Variants in MNT observed in about 807,000 individuals in gnomAD.
MNT encodes the protein MAX network transcriptional repressor, also known as max-binding protein MNT.
Under a neutral mutation model 40.7 loss-of-function variants are expected in MNT, and 13 were observed. The observed-to-expected ratio is 0.32, with a 90% CI of 0.21 to 0.51. The LOEUF (loss-of-function observed/expected upper bound fraction) is 0.51. Among genes scored for constraint, MNT ranks in the 20% least tolerant of loss-of-function variants. The pLI is 0.98. For missense variants in MNT, 757 were observed against 792.0 expected (o/e 0.96, Z 0.53); for synonymous variants, 426 against 354.8 (o/e 1.20, Z -2.26).
intron 4 of MNT, chr17:2,391,862 C>T (rs914054375): frequency 3.3e-5 from 5 of 152,224 alleles, no homozygotes; most frequent in African/African-American, 1.2e-4. Flanking sequence ...TCCTCGAACT[C>T]CCTGGGCTCA....
chr17:2,388,004 G>T lies in MNT; in HGVS notation c.853C>A (p.Leu285Met). ...EKEYEHEMER[L>M]AREKIATQQR... ...TGCGTGGCAATCTTCTCACGTGCCAGCCGCTCCATTTCATGCTCATATTCC... is the reference window on the plus strand; with the variant it reads ...TGCGTGGCAATCTTCTCACGTGCCATCCGCTCCATTTCATGCTCATATTCC... The change falls in exon 5 of 6, where the codon CTG becomes ATG. Residue 285 changes from leucine to methionine, a missense_variant. Leu to Met is a conservative substitution (Grantham distance 15). Around this residue, in one of 4 missense-constraint regions of MNT, gnomAD observed 73 missense variants for 100.8 expected, o/e 0.72. Coordinates refer to ENST00000174618, the MANE Select transcript of MNT (RefSeq NM_020310.3). The T allele has an allele frequency of 5.7e-6, 9 of 1,572,168 alleles. No individual in the cohort carries two copies. Among genetic ancestry groups the T allele is most frequent in the Non-Finnish European group, 7.8e-6 (9 of 1,156,974 alleles).
chr17:2,384,597 C>CGTGTGTGTGT lies in MNT; in HGVS notation c.*2294_*2303dup, dbSNP rs138247244. 0.013 allele frequency: 1,872 copies of CGTGTGTGTGT among 145,786 alleles called. 20 individuals carry two copies. The highest frequency in any genetic ancestry group is 0.034 in the South Asian group (150 of 4,464). 9.0% of individuals were successfully genotyped at this position (145,786 alleles called of 1,614,324 possible). A position where few individuals can be genotyped will look rare whatever the true frequency, so the allele number is the denominator to read the frequency against. ...GAGGTAAGATGTGTGCGTGTGCGTG[C>CGTGTGTGTGT]GTGTGTGTGTGTGTGTGTGTGTGTG... is the stretch of plus-strand genomic sequence containing the variant. On this transcript the variant is annotated 3_prime_UTR_variant, in exon 6 of 6. Transcript: ENST00000174618.
chr17:2,394,819 G>A (rs972652183), intron 2 of MNT, 56 bp downstream of exon 2: 7 of 1,334,362 alleles, frequency 5.2e-6, no homozygotes, highest in Non-Finnish European at 7.3e-6. Context: ...ACACAGCCCG[G>A]GGGATGGGCA....
At chr17:2,393,985 A>G (rs562976796) in intron 4 of MNT, 58 bp downstream of exon 4, 11 of 1,209,884 alleles carry the variant, frequency 9.1e-6, no homozygotes. Flanking sequence ...CGGCCGGGGG[A>G]GGGGCGGCGG....
chr17:2,400,552 C>A (rs1201697905), intron 1 of MNT, 88 bp downstream of exon 1: 2 of 1,320,228 alleles, frequency 1.5e-6, no homozygotes, highest in Non-Finnish European at 2.0e-6. Context: ...CGGGAGGGGG[C>A]CCTGTCCGCG....
chr17:2,393,146 C>G (rs1362568089), intron 4 of MNT, among the ~76,000 whole-genome samples: 1 of 150,758 alleles, frequency 6.6e-6, no homozygotes, highest in Non-Finnish European at 1.5e-5. Context: ...CCCACCCCCC[C>G]CCCAACGCGG....
rs2066480322 is a variant in MNT at position 2,387,841 on chromosome 17, G to T, written c.1000+16C>A. On this transcript the variant is annotated intron_variant, in intron 5 of 5. Coordinates refer to ENST00000174618, the MANE Select transcript of MNT (RefSeq NM_020310.3). ...CATCTGAGGGCTGGGGGGCCAGCGT[G>T]GGGGCTGGGGCTCACCAGAGGCGGT... 1 of 1,584,056 alleles carries T rather than the reference G, an allele frequency of 6.3e-7. No homozygotes were observed. The highest frequency in any genetic ancestry group is 8.5e-7 in the Non-Finnish European group (1 of 1,169,680).
At chr17:2,393,146 C>A (rs1362568089) in intron 4 of MNT, among the ~76,000 whole-genome samples, 2 of 150,758 alleles carry the variant, frequency 1.3e-5, no homozygotes, top group African/African-American at 2.4e-5. Flanking sequence ...CCCACCCCCC[C>A]CCCAACGCGG....
intron 4 of MNT, chr17:2,393,831 G>C (rs930375082): frequency 3.5e-5 from 9 of 257,766 alleles, no homozygotes; most frequent in Non-Finnish European, 5.1e-5. Context: ...CGGCGCGGGA[G>C]GGGAGCCGCG....
At chr17:2,392,868 C>G (rs1164693640) in intron 4 of MNT, 1 of 152,054 alleles carries the variant, frequency 6.6e-6, no homozygotes, top group African/African-American at 2.4e-5. Flanking sequence ...GCCGGGAGGG[C>G]GGGCGGAAGG....
At chr17:2,389,807 GA>G in intron 4 of MNT, 1 of 152,492 alleles carries the variant, frequency 6.6e-6, no homozygotes, top group Non-Finnish European at 1.5e-5. Context: ...TGGCACTGAG[GA>G]AAAATGGGGC....
chr17:2,393,898 G>A, intron 4 of MNT, 145 bp downstream of exon 4: 1 of 432,178 alleles, frequency 2.3e-6, no homozygotes, highest in Non-Finnish European at 3.9e-6. Context: ...CGTCAGCCGG[G>A]CCATGTGCTC....
intron 1 of MNT, 77 bp from the exon 2 acceptor site, chr17:2,395,531 T>G (rs2066571147): frequency 6.3e-7 from 1 of 1,588,746 alleles, no homozygotes; most frequent in African/African-American, 1.3e-5. Flanking sequence ...CCTCTGACCC[T>G]AGCCCAGTCA....
At chr17:2,392,995 C>T (rs567034168) in intron 4 of MNT, among the ~76,000 whole-genome samples, 1 of 152,102 alleles carries the variant, frequency 6.6e-6, no homozygotes, top group African/African-American at 2.4e-5. Flanking sequence ...ACCCCGCGGT[C>T]GAGGCCGGGG....
intron 4 of MNT, 168 bp downstream of exon 4, chr17:2,393,875 G>A (rs1258726027): frequency 4.0e-5 from 14 of 352,168 alleles, no homozygotes; most frequent in Non-Finnish European, 6.4e-5. Flanking sequence ...TCCCGGGCAG[G>A]GAGCCCCGCT....
chr17:2,399,908 G>T (rs1357147852), intron 1 of MNT, among the ~76,000 whole-genome samples: 1 of 152,210 alleles, frequency 6.6e-6, no homozygotes, highest in Non-Finnish European at 1.5e-5. Flanking sequence ...CCAGCGACCC[G>T]CGGGCCATTT....
chr17:2,395,363 C>T lies in MNT; in HGVS notation c.165G>A (p.Val55=). ...SLARLAHTLP[V]EEPRMEAPPL... The stretch of plus-strand genomic sequence containing the variant: ...GTGGCGCCTCCATGCGGGGTTCCTC[C>T]ACAGGAAGGGTATGTGCCAGCCTGG... The change falls in exon 2 of 6, where the codon GTG becomes GTA. Residue 55 remains valine, a synonymous_variant. Transcript: ENST00000174618. The T allele has an allele frequency of 6.2e-7, 1 of 1,613,434 alleles. No individual in the cohort carries two copies. The highest frequency in any genetic ancestry group is 8.5e-7 in the Non-Finnish European group (1 of 1,179,868).
chr17:2,394,489 C>T lies in MNT; in HGVS notation c.654-143G>A, dbSNP rs997153373. On this transcript the variant is annotated intron_variant, in intron 2 of 5. Transcript: ENST00000174618. ...CAGACTGGGAGACGTTCGCCCTGTGCCATGCTGCGCCCACCCCCTGGAGGA... is the reference window on the plus strand; with the variant it reads ...CAGACTGGGAGACGTTCGCCCTGTGTCATGCTGCGCCCACCCCCTGGAGGA... The T allele has an allele frequency of 7.5e-6, 9 of 1,196,692 alleles. No homozygotes were observed. In the South Asian group the frequency reaches 8.2e-5, roughly 11 times the overall value. The allele number at this position is 1,196,692 out of a possible 1,614,324, so 74.1% of individuals were successfully genotyped here. A position where few individuals can be genotyped will look rare whatever the true frequency, so the allele number is the denominator to read the frequency against.
At chr17:2,398,484 T>A (rs1361660611) in intron 1 of MNT, among the ~76,000 whole-genome samples, 1 of 152,212 alleles carries the variant, frequency 6.6e-6, no homozygotes, top group Non-Finnish European at 1.5e-5. Flanking sequence ...CTTCCTTCCA[T>A]TCGTCCTGCC....
Sources: allele counts gnomAD v4.1 joint callset (sites outside exome capture counted in the v4.1 genomes callset), GRCh38; gene constraint gnomAD v4.1.1; regional missense constraint gnomAD v4.1.1; transcripts MANE v1.5; gene names NCBI Gene and HGNC (gene_info 2026-07-23, HGNC 2026-07-21).